The following STAG1 variants were observed in gnomAD, a reference collection of about 807,000 sequenced individuals.
The protein encoded by STAG1 is cohesin subunit SA-1.
In STAG1, 26 loss-of-function variants were observed where a neutral mutation model predicts 170.9. The ratio of observed to expected loss-of-function variants is 0.15; its 90% CI spans 0.11 to 0.21. STAG1 has a LOEUF of 0.21. Ranked by LOEUF, STAG1 falls within the 10% of genes least tolerant of loss-of-function variation. The probability of loss-of-function intolerance (pLI) is 1.00; values close to 1 mark genes in which losing one functional copy is unlikely to be tolerated. For synonymous variants in STAG1, 514 were observed against 497.7 expected, an observed-to-expected ratio of 1.03 and a Z score of -0.44; for missense variants, 964 against 1,509.5, an observed-to-expected ratio of 0.64 and a Z score of 5.99.
Position 136,438,240 on chromosome 3 carries a change from C to CTT in STAG1, c.1547-4583_1547-4582dup, listed in dbSNP as rs371190637. 5.6e-3 allele frequency among the ~76,000 whole-genome samples: 718 copies of CTT among 128,148 alleles called. 16 individuals carry two copies. The highest frequency in any genetic ancestry group is 0.018 in the East Asian group (77 of 4,380). The allele number at this position is 128,148 out of a possible 152,430, so 84.1% of individuals were successfully genotyped here. ...GGTCCCTTATCGTTTAGTTTCTTTT[C>CTT]TTTTTTTTTTTTTTTTTGAGATGGA... On this transcript the variant is annotated intron_variant, in intron 15 of 33. Coordinates refer to ENST00000383202, the MANE Select transcript of STAG1 (RefSeq NM_005862.3).
At chr3:136,695,586 CA>C (rs1362082688) in intron 1 of STAG1, among the ~76,000 whole-genome samples, 1 of 147,664 alleles carries the variant, frequency 6.8e-6, no homozygotes, top group Admixed American at 6.8e-5. Context: ...ATCAAACACA[CA>C]AAAGTCGAAA....
intron 1 of STAG1, among the ~76,000 whole-genome samples, chr3:136,652,484 T>C (rs1464792259): frequency 6.6e-6 from 1 of 152,180 alleles, no homozygotes; most frequent in African/African-American, 2.4e-5. Context: ...ACTCATTCCA[T>C]AAAGTTCAGA....
intron 6 of STAG1, among the ~76,000 whole-genome samples, chr3:136,525,889 C>T (rs539472335): frequency 1.3e-5 from 2 of 152,228 alleles, no homozygotes; most frequent in African/African-American, 4.8e-5. Flanking sequence ...GTTTAGTTTC[C>T]ATGTAGTTGA....
At chr3:136,563,657 A>C (rs1258999975) in intron 5 of STAG1, among the ~76,000 whole-genome samples, 1 of 151,482 alleles carries the variant, frequency 6.6e-6, no homozygotes, top group Non-Finnish European at 1.5e-5. Flanking sequence ...CAAAAAAAAA[A>C]AAAAAACAAC....
Position 136,417,983 on chromosome 3 carries a change from C to T in STAG1, c.2109-11G>A, listed in dbSNP as rs938028611. ...GTGAGATCATGTGCACTGAAATAAA[C>T]AAAAATGCATCTGTTTTATTCTAGA... is the stretch of plus-strand genomic sequence containing the variant. On this transcript the variant is annotated splice_polypyrimidine_tract_variant and intron_variant, in intron 20 of 33. Transcript: ENST00000383202. 1.1e-5 allele frequency: 18 copies of T among 1,587,384 alleles called. No homozygotes were observed. Among genetic ancestry groups the T allele is most frequent in the East Asian group, 2.2e-5 (1 of 44,698 alleles).
chr3:136,530,813 A>G (rs1010883432), intron 6 of STAG1, among the ~76,000 whole-genome samples: 1 of 152,200 alleles, frequency 6.6e-6, no homozygotes, highest in African/African-American at 2.4e-5. Context: ...CAAAAGAGTA[A>G]TAAGGTTTCA....
chr3:136,736,439 G>C (rs550208132), intron 1 of STAG1: 7 of 1,219,510 alleles, frequency 5.7e-6, no homozygotes, highest in African/African-American at 3.0e-5. Flanking sequence ...TGAGTCCTTC[G>C]AAGCAGGAAG....
chr3:136,398,283 A>C (rs1205924892), intron 22 of STAG1, among the ~76,000 whole-genome samples: 5 of 152,164 alleles, frequency 3.3e-5, no homozygotes, highest in South Asian at 2.1e-4. Flanking sequence ...ATGCCCAGCT[A>C]ATTTTTGTAT....
At chr3:136,385,255 C>T (rs1205922344) in intron 22 of STAG1, among the ~76,000 whole-genome samples, 2 of 152,098 alleles carry the variant, frequency 1.3e-5, no homozygotes, top group Non-Finnish European at 2.9e-5. Context: ...TCAAGATCAG[C>T]CTGGGCAACA....
At chr3:136,351,154 T>C (rs1207912702) in intron 28 of STAG1, among the ~76,000 whole-genome samples, 1 of 152,136 alleles carries the variant, frequency 6.6e-6, no homozygotes, top group African/African-American at 2.4e-5. Flanking sequence ...CATTTGAACG[T>C]AGCCTACCAA....
intron 1 of STAG1, among the ~76,000 whole-genome samples, chr3:136,638,316 G>A (rs550614709): frequency 6.6e-6 from 1 of 151,870 alleles, no homozygotes; most frequent in East Asian, 2.0e-4. Context: ...TGTATTTTTA[G>A]TAGAGAAAGG....
At chr3:136,724,474 C>T (rs1025500440) in intron 1 of STAG1, among the ~76,000 whole-genome samples, 17 of 151,680 alleles carry the variant, frequency 1.1e-4, no homozygotes, top group Non-Finnish European at 2.4e-4. Flanking sequence ...TGAGGAAGGC[C>T]GCAGGGTCCT....
At chr3:136,520,734 T>C (rs1462927130) in intron 7 of STAG1, among the ~76,000 whole-genome samples, 1 of 152,116 alleles carries the variant, frequency 6.6e-6, no homozygotes, top group African/African-American at 2.4e-5. Context: ...TTTGAGTATG[T>C]TTAAGTTATT....
intron 3 of STAG1, among the ~76,000 whole-genome samples, chr3:136,612,607 G>A (rs1004351471): frequency 3.3e-5 from 5 of 152,186 alleles, no homozygotes; most frequent in African/African-American, 1.2e-4. Flanking sequence ...TTGAGCCTAG[G>A]AGCCTGAGGC....
Position 136,350,653 on chromosome 3 carries a change from C to A in STAG1, c.3066-1290G>T, listed in dbSNP as rs557027983. Among the ~76,000 whole-genome samples, 6 of 152,288 alleles carry A rather than the reference C, an allele frequency of 3.9e-5. No individual in the cohort carries two copies. The South Asian group carries it at 1.2e-3, about 32-fold the overall frequency. ...TGGTCCATGCCATCCAAATTCTGCC[C>A]TCCTCCCCATTTCAGTGGCATAAAA... On this transcript the variant is annotated intron_variant, in intron 28 of 33. Transcript: ENST00000383202.
At chr3:136,364,295 C>T (rs996790769) in intron 25 of STAG1, among the ~76,000 whole-genome samples, 7 of 151,896 alleles carry the variant, frequency 4.6e-5, no homozygotes, top group Non-Finnish European at 1.0e-4. Flanking sequence ...GTTGGCCAGG[C>T]TGGTCTTGAA....
At chr3:136,678,333 A>T (rs1369928902) in intron 1 of STAG1, among the ~76,000 whole-genome samples, 1 of 151,894 alleles carries the variant, frequency 6.6e-6, no homozygotes, top group Non-Finnish European at 1.5e-5. Flanking sequence ...AAACACATCA[A>T]TATATAAATA....
At chr3:136,557,925 A>G (rs1400244220) in intron 5 of STAG1, among the ~76,000 whole-genome samples, 3 of 152,214 alleles carry the variant, frequency 2.0e-5, no homozygotes, top group Admixed American at 1.3e-4. Flanking sequence ...ACTCATGTTC[A>G]TTCATTCTTT....
chr3:136,475,637 T>C (rs925275384), intron 10 of STAG1, among the ~76,000 whole-genome samples: 2 of 152,144 alleles, frequency 1.3e-5, no homozygotes, highest in African/African-American at 2.4e-5. Context: ...GACTCAATGG[T>C]GGTAGATGAA....
Sources: gnomAD v4.1 joint callset for allele counts (sites outside exome capture counted in the v4.1 genomes callset) on GRCh38, gnomAD v4.1.1 for gene constraint, MANE v1.5 for transcripts, NCBI Gene and HGNC (gene_info 2026-07-23, HGNC 2026-07-21) for gene names.